The following MCC variants were observed in gnomAD, a reference collection of about 807,000 sequenced individuals.
MCC encodes the protein colorectal mutant cancer protein.
Under a neutral mutation model 116.2 loss-of-function variants are expected in MCC, and 90 were observed. That is an observed-to-expected ratio of 0.77 (90% CI 0.65 to 0.92). MCC has a LOEUF of 0.92. MCC is among the 40% of genes least tolerant of loss of function. The pLI is 0.00. For missense variants in MCC, 1,516 were observed against 1,312.2 expected (o/e 1.16, Z -2.40); for synonymous variants, 578 against 510.5 (o/e 1.13, Z -1.78).
At chr5:113,293,905 T>C (rs1443608733) in intron 3 of MCC, among the ~76,000 whole-genome samples, 1 of 152,090 alleles carries the variant, frequency 6.6e-6, no homozygotes, top group Non-Finnish European at 1.5e-5. Context: ...AATAATCCAA[T>C]GCGTCCCCCT....
At chr5:113,215,585 G>A (rs1030272885) in intron 3 of MCC, among the ~76,000 whole-genome samples, 10 of 152,058 alleles carry the variant, frequency 6.6e-5, no homozygotes, top group South Asian at 2.1e-4. Context: ...AGGGCGGTTC[G>A]GCTGACTTGC....
At chr5:113,053,651 T>G (rs186222266) in intron 15 of MCC, 74 bp downstream of exon 15, 2 of 1,068,624 alleles carry the variant, frequency 1.9e-6, no homozygotes, top group East Asian at 4.8e-5. Flanking sequence ...CCTTATCTGC[T>G]GGACCTGCTT....
At position 113,084,095 on chromosome 5, in the gene MCC, A is replaced by G. The variant is rs1289729618; in HGVS notation, c.1635+6T>C. 1.9e-6 allele frequency: 3 copies of G among 1,613,276 alleles called. No individual in the cohort carries two copies. Among genetic ancestry groups the G allele is most frequent in the Admixed American group, 1.7e-5 (1 of 59,998 alleles). ...CTTTCTTGCCTTGCTTCTCATGAAC[A>G]CTCACCCCTATGCTACTGATTTCTG... is the stretch of plus-strand genomic sequence containing the variant. On this transcript the variant is annotated splice_donor_region_variant and intron_variant, in intron 10 of 18. Coordinates refer to ENST00000408903, the MANE Select transcript of MCC (RefSeq NM_001085377.2).
chr5:113,315,958 C>G (rs35564696), intron 3 of MCC, among the ~76,000 whole-genome samples: 9 of 151,718 alleles, frequency 5.9e-5, no homozygotes, highest in Non-Finnish European at 1.2e-4. Context: ...ACAAAGTAGA[C>G]CTTCAAGAGA....
chr5:113,273,135 G>C (rs1217033745), intron 3 of MCC, among the ~76,000 whole-genome samples: 1 of 152,218 alleles, frequency 6.6e-6, no homozygotes, highest in Non-Finnish European at 1.5e-5. Flanking sequence ...GTATTTATCA[G>C]AACAGTACTG....
intron 1 of MCC, chr5:113,433,476 T>C (rs567684912): frequency 4.9e-6 from 3 of 610,868 alleles, no homozygotes; most frequent in South Asian, 2.0e-5. Flanking sequence ...ACAGGCTCTG[T>C]GTCCAGCACC....
chr5:113,185,270 A>G (rs1761844224), intron 3 of MCC, among the ~76,000 whole-genome samples: 1 of 152,094 alleles, frequency 6.6e-6, no homozygotes, highest in Non-Finnish European at 1.5e-5. Flanking sequence ...ATGGGAGTGG[A>G]CTTACTTTAT....
chr5:113,096,977 G>A (rs1756065232), intron 8 of MCC, among the ~76,000 whole-genome samples: 1 of 152,184 alleles, frequency 6.6e-6, no homozygotes, highest in Non-Finnish European at 1.5e-5. Context: ...AGAGCTGAGA[G>A]GAGCGGTGTT....
chr5:113,264,206 G>A (rs578016943), intron 3 of MCC, among the ~76,000 whole-genome samples: 1 of 152,262 alleles, frequency 6.6e-6, no homozygotes, highest in South Asian at 2.1e-4. Context: ...GTTTGTCCCT[G>A]CCAAAACTTG....
chr5:113,323,685 T>G (rs1047588623), intron 3 of MCC, among the ~76,000 whole-genome samples: 13 of 152,220 alleles, frequency 8.5e-5, no homozygotes, highest in Non-Finnish European at 1.8e-4. Flanking sequence ...GGGAATCCTT[T>G]CATGAATCTT....
intron 17 of MCC, among the ~76,000 whole-genome samples, chr5:113,039,870 C>T (rs1257954004): frequency 6.6e-6 from 1 of 152,090 alleles, no homozygotes; most frequent in African/African-American, 2.4e-5. Flanking sequence ...AAAAAGGAGT[C>T]ATTTCTGAAA....
intron 6 of MCC, among the ~76,000 whole-genome samples, chr5:113,118,935 C>G (rs1023983068): frequency 6.6e-6 from 1 of 152,164 alleles, no homozygotes; most frequent in African/African-American, 2.4e-5. Context: ...GCTCCGACCC[C>G]ACTCAGTTCC....
chr5:113,033,998 C>T (rs1751146419), intron 17 of MCC, among the ~76,000 whole-genome samples: 1 of 152,196 alleles, frequency 6.6e-6, no homozygotes. Flanking sequence ...GCAATCCCCT[C>T]ACCTCAGCCT....
At chr5:113,149,298 C>T (rs1355746051) in intron 4 of MCC, among the ~76,000 whole-genome samples, 2 of 151,500 alleles carry the variant, frequency 1.3e-5, no homozygotes, top group Non-Finnish European at 2.9e-5. Context: ...TGGAGACCAC[C>T]ACTGAAACAT....
chr5:113,470,825 T>A (rs890600932), intron 1 of MCC, among the ~76,000 whole-genome samples: 1 of 152,024 alleles, frequency 6.6e-6, no homozygotes, highest in African/African-American at 2.4e-5. Context: ...ACCAATCAGA[T>A]GTAGATTTGG....
chr5:113,255,050 A>T (rs1764956136), intron 3 of MCC, among the ~76,000 whole-genome samples: 1 of 152,204 alleles, frequency 6.6e-6, no homozygotes, highest in Non-Finnish European at 1.5e-5. Context: ...CTGTAATCCC[A>T]GCTACTCAGG....
At chr5:113,082,795 A>T (rs145255290) in intron 11 of MCC, 65 bp downstream of exon 11, 2 of 1,574,964 alleles carry the variant, frequency 1.3e-6, no homozygotes, top group Non-Finnish European at 1.7e-6. Flanking sequence ...AGATCTTTGG[A>T]AAGAGAAGTG....
At chr5:113,427,603 T>G (rs996203680) in intron 1 of MCC, among the ~76,000 whole-genome samples, 1 of 152,246 alleles carries the variant, frequency 6.6e-6, no homozygotes, top group African/African-American at 2.4e-5. Flanking sequence ...GTGAAGATTA[T>G]TATGGAGTCA....
At chr5:113,350,303 G>C (rs1768237684) in intron 2 of MCC, among the ~76,000 whole-genome samples, 1 of 152,008 alleles carries the variant, frequency 6.6e-6, no homozygotes, top group South Asian at 2.1e-4. Context: ...TTACACTACA[G>C]AGCTAAGTAG....
Sources: gnomAD v4.1 joint callset for allele counts (sites outside exome capture counted in the v4.1 genomes callset) on GRCh38, gnomAD v4.1.1 for gene constraint, MANE v1.5 for transcripts, NCBI Gene and HGNC (gene_info 2026-07-23, HGNC 2026-07-21) for gene names.